The following NFYA variants were observed in gnomAD, a reference collection of about 807,000 sequenced individuals.
NFYA encodes CAAT-box DNA binding protein subunit A.
A neutral mutation model predicts 52.8 loss-of-function variants in NFYA; 28 were observed. The observed-to-expected ratio is 0.53, with a 90% CI of 0.39 to 0.73. The LOEUF is 0.73. NFYA is among the 30% of genes least tolerant of loss of function. NFYA has a pLI of 0.00. For missense variants in NFYA, 234 were observed against 427.0 expected (o/e 0.55, Z 3.98); for synonymous variants, 150 against 150.7 (o/e 1.00, Z 0.03).
chr6:41,101,567 CGTT>C lies in NFYA; in HGVS notation c.*4161_*4163del, dbSNP rs1554135279. On this transcript the variant is annotated 3_prime_UTR_variant, in exon 10 of 10. Transcript: ENST00000341376. ...CTTGGCGTCATAAGTATATGCCCGC[CGTT>C]GTTCTGGCCGTAGCTATCTAGCAGC... 6.6e-6 allele frequency among the ~76,000 whole-genome samples: 1 copy of C among 152,138 alleles called. No individual in the cohort carries two copies. The highest frequency in any genetic ancestry group is 1.5e-5 in the Non-Finnish European group (1 of 68,036).
At chr6:41,090,158 G>A in intron 5 of NFYA, 46 bp from the exon 6 acceptor site, 1 of 1,257,458 alleles carries the variant, frequency 8.0e-7, no homozygotes, top group Non-Finnish European at 1.2e-6. Context: ...TTCTTTGTTA[G>A]TATCTTTGGG....
At position 41,084,034 on chromosome 6, in the gene NFYA, A is replaced by T; in HGVS notation, c.163-12A>T. 1 of 1,579,788 alleles carries T rather than the reference A, an allele frequency of 6.3e-7. No homozygotes were observed. Among genetic ancestry groups the T allele is most frequent in the East Asian group, 2.3e-5 (1 of 43,872 alleles). ...TATGTTATTTCATTGTTCTTATTTT[A>T]TTTCATTCTAGGTCCAAGGGCAGCC... On this transcript the variant is annotated splice_polypyrimidine_tract_variant and intron_variant, in intron 3 of 9. Coordinates refer to ENST00000341376, the MANE Select transcript of NFYA (RefSeq NM_002505.5).
chr6:41,083,885 A>T (rs898320735), intron 3 of NFYA, among the ~76,000 whole-genome samples, 161 bp from the exon 4 acceptor site: 1 of 152,236 alleles, frequency 6.6e-6, no homozygotes, highest in East Asian at 1.9e-4. Context: ...GGATTCATAG[A>T]TATTTAAAGA....
intron 3 of NFYA, among the ~76,000 whole-genome samples, chr6:41,081,765 C>CT (rs1206572702): frequency 1.3e-5 from 2 of 152,120 alleles, no homozygotes. Flanking sequence ...AGTGACCTGT[C>CT]TTATTACTAG....
intron 1 of NFYA, among the ~76,000 whole-genome samples, chr6:41,076,959 T>A (rs1763748770): frequency 6.6e-6 from 1 of 152,238 alleles, no homozygotes. Flanking sequence ...TTGAAGCTGC[T>A]CTTCAAATCT....
At position 41,097,421 on chromosome 6, in the gene NFYA, T is replaced by C. The variant is rs535922281; in HGVS notation, c.*11T>C. 99 of 1,613,666 alleles carry C rather than the reference T, an allele frequency of 6.1e-5. No individual in the cohort carries two copies. In the East Asian group the frequency reaches 6.5e-4, roughly 11 times the overall value. On this transcript the variant is annotated 3_prime_UTR_variant, in exon 10 of 10. Coordinates refer to ENST00000341376, the MANE Select transcript of NFYA (RefSeq NM_002505.5). ...ATCCGAGTGTCCTAACCCCACGCCA[T>C]GTGATGGAGCTGATCAAGGTCATGT...
Position 41,097,519 on chromosome 6 carries a change from G to C in NFYA, c.*109G>C. 1 of 1,146,914 alleles carries C rather than the reference G, an allele frequency of 8.7e-7. No homozygotes were observed. 71.0% of individuals were successfully genotyped at this position (1,146,914 alleles called of 1,614,324 possible). On this transcript the variant is annotated 3_prime_UTR_variant, in exon 10 of 10. Transcript: ENST00000341376. Reference sequence around the variant, plus strand: ...TGATCACATTCTGCCCTTTACTACAGGACAGAAACCACTTAGTTTTTAATA... The same window carrying C: ...TGATCACATTCTGCCCTTTACTACACGACAGAAACCACTTAGTTTTTAATA...
chr6:41,082,136 C>G (rs2113797249), intron 3 of NFYA, among the ~76,000 whole-genome samples: 1 of 152,278 alleles, frequency 6.6e-6, no homozygotes, highest in African/African-American at 2.4e-5. Context: ...GCTAAGCATC[C>G]AGCAGATAAC....
At position 41,085,752 on chromosome 6, in the gene NFYA, ATT is replaced by A. The variant is rs3840128; in HGVS notation, c.309+1571_309+1572del. On this transcript the variant is annotated intron_variant, in intron 4 of 9. Coordinates refer to ENST00000341376, the MANE Select transcript of NFYA (RefSeq NM_002505.5). Reference sequence around the variant, plus strand: ...ACCATGCATGTGGGGTTGTGTTTTCATTTTTTTTTTTTAATTCTTTCATAATG... The same window carrying A: ...ACCATGCATGTGGGGTTGTGTTTTCATTTTTTTTTTAATTCTTTCATAATG... 2.7e-4 allele frequency among the ~76,000 whole-genome samples: 40 copies of A among 146,276 alleles called. 1 individual carries two copies. The highest frequency in any genetic ancestry group is 7.9e-4 in the African/African-American group (32 of 40,496).
rs373785421 is a variant in NFYA at position 41,090,312 on chromosome 6, A to G, written c.547+3A>G. ...AGATGGCACCATTCTCCAGCAAGGT[A>G]AGTGTACCCATAAGCTTCCCTAGGA... On this transcript the variant is annotated splice_donor_region_variant and intron_variant, in intron 6 of 9. Transcript: ENST00000341376. 1.1e-5 allele frequency: 17 copies of G among 1,607,600 alleles called. No homozygotes were observed. Among genetic ancestry groups the G allele is most frequent in the Admixed American group, 1.7e-5 (1 of 59,944 alleles).
intron 1 of NFYA, among the ~76,000 whole-genome samples, chr6:41,076,554 G>A (rs1172410766): frequency 3.3e-5 from 5 of 152,160 alleles, no homozygotes; most frequent in African/African-American, 1.2e-4. Context: ...CCTAGTAAGT[G>A]GTTGGCTAAG....
chr6:41,090,004 G>A lies in NFYA; in HGVS notation c.442-200G>A, dbSNP rs1484791822. 5.3e-5 allele frequency among the ~76,000 whole-genome samples: 8 copies of A among 152,194 alleles called. No individual in the cohort carries two copies. The East Asian group carries it at 5.8e-4, about 11-fold the overall frequency. The stretch of plus-strand genomic sequence containing the variant: ...CGCATGCCTGTAATCCCAGCTACTC[G>A]GGAGGCTGAGGCAGAGAATCGCTTG... On this transcript the variant is annotated intron_variant, in intron 5 of 9. Coordinates refer to ENST00000341376, the MANE Select transcript of NFYA (RefSeq NM_002505.5).
chr6:41,085,810 ATT>A (rs1764029929), intron 4 of NFYA, among the ~76,000 whole-genome samples: 1 of 151,664 alleles, frequency 6.6e-6, no homozygotes, highest in African/African-American at 2.4e-5. Flanking sequence ...AGAATTTCTA[ATT>A]TATAAAATAT....
intron 3 of NFYA, among the ~76,000 whole-genome samples, chr6:41,081,286 G>C (rs923014243): frequency 6.6e-6 from 1 of 151,830 alleles, no homozygotes; most frequent in Non-Finnish European, 1.5e-5. Flanking sequence ...TCAGGAGATC[G>C]AGACCATCCT....
chr6:41,078,047 A>C (rs1763789644), intron 1 of NFYA, among the ~76,000 whole-genome samples: 1 of 152,002 alleles, frequency 6.6e-6, no homozygotes, highest in Non-Finnish European at 1.5e-5. Flanking sequence ...GTGCAGTGAA[A>C]TCAAAGGAAT....
At chr6:41,090,368 C>A in intron 6 of NFYA, 59 bp downstream of exon 6, 1 of 976,542 alleles carries the variant, frequency 1.0e-6, no homozygotes, top group Non-Finnish European at 1.6e-6. Context: ...GTCCCTTAGA[C>A]AACTGACATC....
intron 7 of NFYA, among the ~76,000 whole-genome samples, 181 bp downstream of exon 7, chr6:41,091,875 GCCAGGGACTATTCA>G (rs1326144366): frequency 3.3e-5 from 5 of 152,156 alleles, no homozygotes; most frequent in African/African-American, 9.7e-5. Context: ...CCTACTATGT[GCCAGGGACTATTCA>G]CCAGGGACTA....
At chr6:41,078,841 A>G (rs990727782) in intron 1 of NFYA, among the ~76,000 whole-genome samples, 188 bp from the exon 2 acceptor site, 1 of 152,216 alleles carries the variant, frequency 6.6e-6, no homozygotes, top group African/African-American at 2.4e-5. Context: ...GAAACGTGAA[A>G]ATAGCATTAT....
chr6:41,082,480 G>T (rs1171232477), intron 3 of NFYA, among the ~76,000 whole-genome samples: 1 of 152,160 alleles, frequency 6.6e-6, no homozygotes, highest in Non-Finnish European at 1.5e-5. Context: ...GAGCTCTTTG[G>T]AGTCTCAAAT....
Sources: allele counts gnomAD v4.1 joint callset (sites outside exome capture counted in the v4.1 genomes callset), GRCh38; gene constraint gnomAD v4.1.1; transcripts MANE v1.5; gene names NCBI Gene and HGNC (gene_info 2026-07-23, HGNC 2026-07-21).